Variants in SRGAP2B observed in about 807,000 individuals in gnomAD.
SRGAP2B encodes SLIT-ROBO Rho GTPase activating protein 2B.
In SRGAP2B, 9 loss-of-function variants were observed where a neutral mutation model predicts 22.2. The observed-to-expected ratio is 0.41, with a 90% CI of 0.24 to 0.71. The LOEUF is 0.71. Among genes scored for constraint, SRGAP2B ranks in the 30% least tolerant of loss-of-function variants. The pLI is 0.35. For missense variants in SRGAP2B, 114 were observed against 235.8 expected, an observed-to-expected ratio of 0.48 and a Z score of 3.38; for synonymous variants, 36 against 87.4, an observed-to-expected ratio of 0.41 and a Z score of 3.28.
chr1:144,912,174 G>C (rs1404343663), intron 5 of SRGAP2B, among the ~76,000 whole-genome samples: 2 of 146,222 alleles, frequency 1.4e-5, no homozygotes, highest in African/African-American at 2.6e-5. Flanking sequence ...GGATGGTCTC[G>C]ATCTCCTGAC....
intron 3 of SRGAP2B, among the ~76,000 whole-genome samples, chr1:144,964,744 T>C (rs1372590654): frequency 2.7e-5 from 4 of 150,824 alleles, no homozygotes; most frequent in African/African-American, 9.9e-5. Context: ...TCTCAAAATC[T>C]CTTCACCTGT....
intron 4 of SRGAP2B, among the ~76,000 whole-genome samples, chr1:144,922,693 A>G (rs1385423176): frequency 6.7e-6 from 1 of 150,276 alleles, no homozygotes. Flanking sequence ...TGGCTGTACA[A>G]CTAGGATATG....
chr1:144,984,365 C>CAACAACA (rs1491147391), intron 3 of SRGAP2B, among the ~76,000 whole-genome samples: 15 of 126,436 alleles, frequency 1.2e-4, no homozygotes, highest in African/African-American at 2.5e-4. Context: ...ACAACAACAA[C>CAACAACA]AAAAAAAAAA....
chr1:145,017,009 G>C (rs1672475290), intron 2 of SRGAP2B, among the ~76,000 whole-genome samples: 1 of 139,436 alleles, frequency 7.2e-6, no homozygotes, highest in African/African-American at 2.8e-5. Flanking sequence ...ACCCAGGCTA[G>C]AGTGCAGTGG....
intron 2 of SRGAP2B, among the ~76,000 whole-genome samples, chr1:145,080,087 C>T (rs1175686491): frequency 6.7e-6 from 1 of 149,510 alleles, no homozygotes; most frequent in Non-Finnish European, 1.5e-5. Context: ...ATCTGTAATA[C>T]TAAGAGTTAC....
intron 4 of SRGAP2B, among the ~76,000 whole-genome samples, chr1:144,942,523 G>C: frequency 6.6e-6 from 1 of 150,842 alleles, no homozygotes; most frequent in South Asian, 2.1e-4. Context: ...AGGTTCAAGT[G>C]ATTCTCCTCC....
At chr1:144,984,044 G>A (rs868932305) in intron 3 of SRGAP2B, among the ~76,000 whole-genome samples, 18 of 150,742 alleles carry the variant, frequency 1.2e-4, no homozygotes, top group Admixed American at 2.6e-4. Flanking sequence ...ATTTCAGCTG[G>A]GCACAGAGGC....
intron 2 of SRGAP2B, among the ~76,000 whole-genome samples, chr1:145,016,967 G>GT (rs1406387409): frequency 5.0e-5 from 7 of 141,312 alleles, no homozygotes; most frequent in African/African-American, 1.9e-4. Context: ...TTGTTTGTTT[G>GT]TTTGTTTTTT....
At chr1:144,939,971 T>C in intron 4 of SRGAP2B, among the ~76,000 whole-genome samples, 1 of 147,842 alleles carries the variant, frequency 6.8e-6, no homozygotes, top group East Asian at 2.0e-4. Context: ...TTGTTCTCTG[T>C]ATTTCCTTTC....
At position 144,929,177 on chromosome 1, in the gene SRGAP2B, G is replaced by C. The variant is rs2919078; in HGVS notation, c.424-14423C>G. ...CTGGTCATCTTTTTGTTGCTGAGTT[G>C]TAAGAATTCTTTATATATTCTGAAA... is the stretch of plus-strand genomic sequence containing the variant. On this transcript the variant is annotated intron_variant, in intron 4 of 9. Coordinates refer to ENST00000612199, the Ensembl canonical transcript of SRGAP2B. Among the ~76,000 whole-genome samples the C allele has an allele frequency of 4.6e-4, 67 of 144,756 alleles. 1 individual carries two copies. The highest frequency in any genetic ancestry group is 1.7e-3 in the African/African-American group (62 of 37,072). The allele number at this position is 144,756 out of a possible 152,430, so 95.0% of individuals were successfully genotyped here.
chr1:144,934,336 G>A (rs1410353106), intron 4 of SRGAP2B, among the ~76,000 whole-genome samples: 15 of 146,446 alleles, frequency 1.0e-4, no homozygotes, highest in South Asian at 2.1e-4. Flanking sequence ...CCTGGGAGGC[G>A]GGGGTTACAG....
chr1:144,905,802 A>G (rs1662946007), intron 6 of SRGAP2B, 57 bp downstream of exon 6: 2 of 708,526 alleles, frequency 2.8e-6, no homozygotes, highest in Non-Finnish European at 5.2e-6. Context: ...AATTCCTATC[A>G]GCCATGCCTT....
intron 2 of SRGAP2B, among the ~76,000 whole-genome samples, chr1:145,011,466 C>G (rs1444077073): frequency 6.7e-6 from 1 of 149,860 alleles, no homozygotes; most frequent in Non-Finnish European, 1.5e-5. Flanking sequence ...ACTGACTTAC[C>G]ATTCCCTCAT....
At chr1:144,924,756 G>A (rs1302224039) in intron 4 of SRGAP2B, among the ~76,000 whole-genome samples, 12 of 137,998 alleles carry the variant, frequency 8.7e-5, no homozygotes, top group African/African-American at 3.5e-4. Context: ...AAAAAAGAAT[G>A]TGTATCTACC....
chr1:144,964,669 G>A lies in SRGAP2B; in HGVS notation c.261-9068C>T, dbSNP rs1667927742. Among the ~76,000 whole-genome samples, 3 of 151,190 alleles carry A rather than the reference G, an allele frequency of 2.0e-5. No individual in the cohort carries two copies. The South Asian group carries it at 6.2e-4, about 31-fold the overall frequency. ...CCTTGAACTATGCTTAAGACACAGA[G>A]TCTAGGCTTAGCTCTGCCACTTACT... On this transcript the variant is annotated intron_variant, in intron 3 of 9. Coordinates refer to ENST00000612199, the Ensembl canonical transcript of SRGAP2B.
chr1:144,954,926 G>A (rs1343437102), intron 4 of SRGAP2B, among the ~76,000 whole-genome samples: 1 of 150,132 alleles, frequency 6.7e-6, no homozygotes, highest in African/African-American at 2.5e-5. Flanking sequence ...AAACATAAAC[G>A]TATATGAGTT....
intron 3 of SRGAP2B, chr1:144,965,219 A>AATCACCCGTCTTCTGT: frequency 1.2e-6 from 1 of 815,806 alleles, no homozygotes; most frequent in South Asian, 1.4e-5. Context: ...GCGACACAGA[A>AATCACCCGTCTTCTGT]GACGGGTGAT....
At chr1:145,068,322 T>C (rs1157297262) in intron 2 of SRGAP2B, among the ~76,000 whole-genome samples, 1 of 143,424 alleles carries the variant, frequency 7.0e-6, no homozygotes, top group African/African-American at 2.7e-5. Flanking sequence ...TAGGCATACA[T>C]AATCATGTGT....
chr1:144,932,535 T>G (rs1665279469), intron 4 of SRGAP2B, among the ~76,000 whole-genome samples: 1 of 149,922 alleles, frequency 6.7e-6, no homozygotes, highest in Non-Finnish European at 1.5e-5. Flanking sequence ...ACCTTTTGGG[T>G]AAACCCTAGG....
Sources: allele counts gnomAD v4.1 joint callset (sites outside exome capture counted in the v4.1 genomes callset), GRCh38; gene constraint gnomAD v4.1.1; transcripts MANE v1.5; gene names NCBI Gene and HGNC (gene_info 2026-07-23, HGNC 2026-07-21).